The following UBTD1 variants were observed in gnomAD, a reference collection of about 807,000 sequenced individuals.
UBTD1 encodes ubiquitin domain-containing protein 1.
UBTD1 carries 19 observed loss-of-function variants against 21.7 expected under a neutral mutation model. The observed-to-expected ratio is 0.87, with a 90% confidence interval of 0.61 to 1.28. The LOEUF (loss-of-function observed/expected upper bound fraction) is 1.28. UBTD1 is among the 50% of genes most tolerant of loss of function. UBTD1 has a pLI of 0.00. For synonymous variants in UBTD1, 116 were observed against 135.1 expected (o/e 0.86, Z 0.98); for missense variants, 282 against 315.1 (o/e 0.89, Z 0.80).
intron 1 of UBTD1, among the ~76,000 whole-genome samples, chr10:97,506,419 G>C (rs1205107127): frequency 4.6e-5 from 7 of 152,110 alleles, no homozygotes; most frequent in Admixed American, 4.6e-4. Flanking sequence ...TACAATCATT[G>C]CTGTGTCTTC....
chr10:97,564,848 G>A (rs1233478326), intron 1 of UBTD1, among the ~76,000 whole-genome samples: 1 of 152,178 alleles, frequency 6.6e-6, no homozygotes, highest in East Asian at 1.9e-4. Context: ...ACAGGCATGA[G>A]CCACCACCCC....
chr10:97,499,217 TG>T lies in UBTD1; in HGVS notation c.18del (p.Arg7AspfsTer23). 6.5e-7 allele frequency: 1 copy of T among 1,547,592 alleles called. No homozygotes were observed. The highest frequency in any genetic ancestry group is 8.7e-7 in the Non-Finnish European group (1 of 1,145,572). On this transcript the variant is annotated frameshift_variant, in exon 1 of 3. Coordinates refer to ENST00000370664, the MANE Select transcript of UBTD1 (RefSeq NM_024954.5). LOFTEE classifies it high-confidence loss of function. ...TGAGGAGCCAGCATGGGCAACTGCG[TG>T]GGGAGACAGCGCCGGGAGAGGCCGG... MGNC[V>X]GRQRRERPAA... is the part of the protein sequence containing the mutation.
chr10:97,546,827 A>G (rs2040613186), intron 1 of UBTD1, among the ~76,000 whole-genome samples: 1 of 152,052 alleles, frequency 6.6e-6, no homozygotes, highest in Admixed American at 6.6e-5. Flanking sequence ...TCTAGTTATA[A>G]TTCAGCTTCC....
intron 1 of UBTD1, among the ~76,000 whole-genome samples, chr10:97,521,050 C>T (rs1025846039): frequency 6.6e-6 from 1 of 152,152 alleles, no homozygotes; most frequent in Non-Finnish European, 1.5e-5. Flanking sequence ...CTGGGGAAGC[C>T]GGGCCACAGA....
intron 1 of UBTD1, among the ~76,000 whole-genome samples, chr10:97,536,874 A>G (rs961224497): frequency 2.0e-5 from 3 of 151,984 alleles, no homozygotes; most frequent in African/African-American, 7.2e-5. Flanking sequence ...TCATACATTC[A>G]TTCATTCATT....
chr10:97,514,419 A>C, intron 1 of UBTD1, among the ~76,000 whole-genome samples: 1 of 151,822 alleles, frequency 6.6e-6, no homozygotes, highest in African/African-American at 2.4e-5. Context: ...TTTCTTAAGC[A>C]TTTCTCCTCC....
At chr10:97,523,608 G>A (rs2040475598) in intron 1 of UBTD1, among the ~76,000 whole-genome samples, 2 of 152,158 alleles carry the variant, frequency 1.3e-5, no homozygotes, top group Non-Finnish European at 1.5e-5. Context: ...AGCGATGGTT[G>A]TAGAAGGTGG....
chr10:97,522,326 C>A (rs1564737187), intron 1 of UBTD1, among the ~76,000 whole-genome samples: 3 of 152,244 alleles, frequency 2.0e-5, no homozygotes, highest in African/African-American at 7.2e-5. Context: ...GTGCCTGTGC[C>A]CTGTCTCATT....
intron 1 of UBTD1, among the ~76,000 whole-genome samples, chr10:97,567,141 G>A (rs1472319382): frequency 1.3e-5 from 2 of 151,736 alleles, no homozygotes; most frequent in Non-Finnish European, 2.9e-5. Flanking sequence ...CATGACCACA[G>A]CTCACTGCAG....
At chr10:97,550,074 G>C (rs1455875566) in intron 1 of UBTD1, among the ~76,000 whole-genome samples, 1 of 152,192 alleles carries the variant, frequency 6.6e-6, no homozygotes, top group African/African-American at 2.4e-5. Flanking sequence ...TCTGTATCCT[G>C]GCCAGAGGGC....
At chr10:97,555,675 C>T (rs984426682) in intron 1 of UBTD1, among the ~76,000 whole-genome samples, 1 of 151,902 alleles carries the variant, frequency 6.6e-6, no homozygotes, top group Non-Finnish European at 1.5e-5. Flanking sequence ...TGACGGGCTG[C>T]ATGCACCGGT....
Position 97,539,893 on chromosome 10 carries a change from C to CGTTAGCTCCCT in UBTD1, c.71-28021_71-28020insGTTAGCTCCCT, listed in dbSNP as rs1198441667. Among the ~76,000 whole-genome samples the CGTTAGCTCCCT allele has an allele frequency of 3.9e-5, 6 of 152,070 alleles. No individual in the cohort carries two copies. In the East Asian group the frequency reaches 7.8e-4, roughly 20 times the overall value. Reference sequence around the variant, plus strand: ...TTAGCTCCCTTCCTTCCAGATCCACCTCCTTAAGCATTGCCAAATCAAATA... The same window carrying CGTTAGCTCCCT: ...TTAGCTCCCTTCCTTCCAGATCCACCGTTAGCTCCCTTCCTTAAGCATTGCCAAATCAAATA... On this transcript the variant is annotated intron_variant, in intron 1 of 2. Transcript: ENST00000370664.
intron 1 of UBTD1, among the ~76,000 whole-genome samples, chr10:97,527,096 G>C (rs2040492535): frequency 1.3e-5 from 2 of 150,184 alleles, no homozygotes; most frequent in African/African-American, 2.5e-5. Flanking sequence ...GCTTGAACCA[G>C]GAGGCGGAGG....
intron 1 of UBTD1, among the ~76,000 whole-genome samples, chr10:97,553,250 G>C (rs1009085859): frequency 1.3e-5 from 2 of 152,196 alleles, no homozygotes; most frequent in African/African-American, 4.8e-5. Flanking sequence ...TCCTGCCTCA[G>C]CCTCCTGAGT....
At chr10:97,568,634 C>G (rs1275706388) in intron 2 of UBTD1, among the ~76,000 whole-genome samples, 5 of 151,822 alleles carry the variant, frequency 3.3e-5, no homozygotes, top group African/African-American at 1.2e-4. Flanking sequence ...GTTGGCCAGG[C>G]TGGTCTCAAA....
Position 97,570,675 on chromosome 10 carries a change from C to G in UBTD1, c.*152C>G. ...AGGGACCCTGCCTTTCAGGGCACTA[C>G]GCGCCACCAGTTCCCGGTACCCAGG... On this transcript the variant is annotated 3_prime_UTR_variant, in exon 3 of 3. Coordinates refer to ENST00000370664, the MANE Select transcript of UBTD1 (RefSeq NM_024954.5). The surrounding 1 kb of genome is among the most constrained non-coding windows in gnomAD (Gnocchi z 6.6). The G allele has an allele frequency of 3.2e-6, 3 of 942,538 alleles. No homozygotes were observed. The highest frequency in any genetic ancestry group is 3.1e-6 in the Non-Finnish European group (2 of 639,324). 58.4% of individuals were successfully genotyped at this position (942,538 alleles called of 1,614,324 possible).
At chr10:97,535,224 G>A (rs985516099) in intron 1 of UBTD1, among the ~76,000 whole-genome samples, 14 of 152,296 alleles carry the variant, frequency 9.2e-5, no homozygotes, top group Middle Eastern at 6.8e-3. Context: ...TACCAGCTCC[G>A]TGTGAACGGC....
chr10:97,545,991 G>T (rs762367129), intron 1 of UBTD1, among the ~76,000 whole-genome samples: 4 of 152,132 alleles, frequency 2.6e-5, no homozygotes, highest in Admixed American at 1.3e-4. Flanking sequence ...CACCATGTTT[G>T]CCAGGCTGGT....
At chr10:97,515,491 A>G (rs1031784660) in intron 1 of UBTD1, among the ~76,000 whole-genome samples, 5 of 152,190 alleles carry the variant, frequency 3.3e-5, no homozygotes, top group South Asian at 2.1e-4. Flanking sequence ...ACAGAAACCA[A>G]CTGAATCCAG....
Sources: allele counts gnomAD v4.1 joint callset (sites outside exome capture counted in the v4.1 genomes callset), GRCh38; gene constraint gnomAD v4.1.1; non-coding constraint Gnocchi (gnomAD v3.1); transcripts MANE v1.5; gene names NCBI Gene and HGNC (gene_info 2026-07-23, HGNC 2026-07-21).